Variants in EIF2S1 observed in about 807,000 individuals in gnomAD.
EIF2S1 encodes the protein eukaryotic translation initiation factor 2 subunit alpha, also known as eukaryotic translation initiation factor 2 subunit 1.
In EIF2S1, 5 loss-of-function variants were observed where a neutral mutation model predicts 33.5. The observed-to-expected ratio is 0.15, with a 90% CI of 0.08 to 0.31. EIF2S1 has a LOEUF of 0.31. Among genes scored for constraint, EIF2S1 ranks in the 10% least tolerant of loss-of-function variants. The pLI, the probability that EIF2S1 is intolerant of heterozygous loss-of-function variation, is 1.00. For synonymous variants in EIF2S1, 99 were observed against 127.5 expected (o/e 0.78, Z 1.51); for missense variants, 191 against 384.6 (o/e 0.50, Z 4.21).
Position 67,383,717 on chromosome 14 carries a change from T to C in EIF2S1, c.*277T>C. 1 of 377,022 alleles carries C rather than the reference T, an allele frequency of 2.7e-6. No individual in the cohort carries two copies. The highest frequency in any genetic ancestry group is 5.1e-6 in the Non-Finnish European group (1 of 197,690). The allele number at this position is 377,022 out of a possible 1,614,324, so 23.4% of individuals were successfully genotyped here. ...TAGTTCTAAAATTGGGCTTGTGATTTCCATTTCTGATGTCTCCAGATTGGC... is the reference window on the plus strand; with the variant it reads ...TAGTTCTAAAATTGGGCTTGTGATTCCCATTTCTGATGTCTCCAGATTGGC... On this transcript the variant is annotated 3_prime_UTR_variant, in exon 8 of 8. Coordinates refer to ENST00000256383, the MANE Select transcript of EIF2S1 (RefSeq NM_004094.5).
At chr14:67,364,514 G>T in intron 1 of EIF2S1, 3 of 362,744 alleles carry the variant, frequency 8.3e-6, no homozygotes, top group South Asian at 3.4e-5. Flanking sequence ...TATTTTTTAT[G>T]ATTCCTCTGA....
At chr14:67,374,689 C>T (rs1236108560) in intron 3 of EIF2S1, 142 bp downstream of exon 3, 18 of 500,688 alleles carry the variant, frequency 3.6e-5, no homozygotes, top group South Asian at 1.7e-4. Context: ...GTTTTGAAGC[C>T]GTTTTAGGTT....
intron 6 of EIF2S1, 46 bp downstream of exon 6, chr14:67,381,736 C>T (rs2141152677): frequency 7.7e-7 from 1 of 1,304,058 alleles, no homozygotes; most frequent in Non-Finnish European, 1.1e-6. Flanking sequence ...CTCACCTAAA[C>T]CAAATAGGAT....
chr14:67,370,909 G>A (rs113030575), intron 2 of EIF2S1, among the ~76,000 whole-genome samples: 309 of 152,142 alleles, frequency 2.0e-3, no homozygotes, highest in African/African-American at 7.2e-3. Flanking sequence ...CCTCTAGTCA[G>A]TTCCAGCTAC....
chr14:67,376,435 C>T lies in EIF2S1; in HGVS notation c.322-4C>T. The T allele has an allele frequency of 6.3e-7, 1 of 1,577,566 alleles. No individual in the cohort carries two copies. Among genetic ancestry groups the T allele is most frequent in the Non-Finnish European group, 8.6e-7 (1 of 1,161,530 alleles). On this transcript the variant is annotated splice_region_variant and splice_polypyrimidine_tract_variant and intron_variant, in intron 3 of 7. Transcript: ENST00000256383. Reference sequence around the variant, plus strand: ...AATTGTTGAGCTTTTCATTTTATTTCTAGGTTTATAGCATTCTTCGTCATG... The same window carrying T: ...AATTGTTGAGCTTTTCATTTTATTTTTAGGTTTATAGCATTCTTCGTCATG...
At chr14:67,375,384 A>C (rs770577062) in intron 3 of EIF2S1, among the ~76,000 whole-genome samples, 1 of 152,006 alleles carries the variant, frequency 6.6e-6, no homozygotes, top group Non-Finnish European at 1.5e-5. Flanking sequence ...GCCTCCCGGA[A>C]TGTTTGAGAT....
chr14:67,363,760 A>G (rs1038279934), intron 1 of EIF2S1, among the ~76,000 whole-genome samples: 3 of 152,234 alleles, frequency 2.0e-5, no homozygotes, highest in African/African-American at 7.2e-5. Context: ...GAGAAGATAT[A>G]GGCAGGTGCC....
chr14:67,360,695 T>G (rs2141121242), intron 1 of EIF2S1: 1 of 153,734 alleles, frequency 6.5e-6, no homozygotes, highest in South Asian at 2.1e-4. Context: ...TGAAGGAAAG[T>G]GGGCCGAGTG....
intron 4 of EIF2S1, among the ~76,000 whole-genome samples, chr14:67,379,686 G>A (rs1467291191): frequency 9.3e-6 from 1 of 107,936 alleles, no homozygotes; most frequent in Non-Finnish European, 1.6e-5. Flanking sequence ...ACGGAGTCTC[G>A]CTCTGTCGCC....
In EIF2S1 at chr14:67,383,312, C is replaced by T. The variant is rs761916732; in HGVS notation, c.823-3C>T. The T allele has an allele frequency of 6.2e-7, 1 of 1,612,750 alleles. No individual in the cohort carries two copies. Among genetic ancestry groups the T allele is most frequent in the African/African-American group, 1.3e-5 (1 of 75,010 alleles). ...GTTTGAAATTATACCTCTGCTTCCA[C>T]AGCCCAAAGTGGTCACAGATACAGA... is the stretch of plus-strand genomic sequence containing the variant. On this transcript the variant is annotated splice_region_variant and splice_polypyrimidine_tract_variant and intron_variant, in intron 7 of 7. Coordinates refer to ENST00000256383, the MANE Select transcript of EIF2S1 (RefSeq NM_004094.5).
chr14:67,377,993 G>A (rs2085866319), intron 4 of EIF2S1, among the ~76,000 whole-genome samples: 1 of 151,910 alleles, frequency 6.6e-6, no homozygotes, highest in Non-Finnish European at 1.5e-5. Context: ...TTTGCCTGTA[G>A]TAGTCCCAGC....
At chr14:67,360,996 C>A (rs564435128) in intron 1 of EIF2S1, among the ~76,000 whole-genome samples, 31 of 152,264 alleles carry the variant, frequency 2.0e-4, no homozygotes, top group Admixed American at 1.2e-3. Flanking sequence ...TTGAATGAGT[C>A]ACCCCTTGAA....
intron 7 of EIF2S1, 42 bp downstream of exon 7, chr14:67,382,632 T>G (rs1213593930): frequency 6.2e-7 from 1 of 1,610,000 alleles, no homozygotes; most frequent in Non-Finnish European, 8.5e-7. Context: ...CTCAGGAGGT[T>G]CCTAAAAGGA....
Position 67,376,172 on chromosome 14 carries a change from T to C in EIF2S1, c.322-267T>C, listed in dbSNP as rs1006129776. On this transcript the variant is annotated intron_variant, in intron 3 of 7. Transcript: ENST00000256383. The stretch of plus-strand genomic sequence containing the variant: ...TTTGATCTATGCGAGCACTCTGTAG[T>C]AAGGAGAGATGCTAGTTTCTTCTTT... Among the ~76,000 whole-genome samples the C allele has an allele frequency of 2.0e-5, 3 of 151,790 alleles. No individual in the cohort carries two copies. The East Asian group carries it at 5.8e-4, about 29-fold the overall frequency.
At chr14:67,364,482 G>A (rs758608746) in intron 1 of EIF2S1, 6 of 298,090 alleles carry the variant, frequency 2.0e-5, no homozygotes, top group Non-Finnish European at 3.8e-5. Context: ...CTTAGGTCTT[G>A]GAGTACTTTA....
chr14:67,383,614 G>A lies in EIF2S1; in HGVS notation c.*174G>A. On this transcript the variant is annotated 3_prime_UTR_variant, in exon 8 of 8. Transcript: ENST00000256383. ...TGAAATGCCCTCCTAAATGTCAGCT[G>A]TTGTCACACAGTAGCTCCAACACTT... The A allele has an allele frequency of 1.1e-6, 1 of 870,186 alleles. No homozygotes were observed. The highest frequency in any genetic ancestry group is 1.7e-6 in the Non-Finnish European group (1 of 573,488). The allele number at this position is 870,186 out of a possible 1,614,324, so 53.9% of individuals were successfully genotyped here.
intron 2 of EIF2S1, among the ~76,000 whole-genome samples, chr14:67,368,171 G>T (rs1314316970): frequency 6.6e-6 from 1 of 152,196 alleles, no homozygotes; most frequent in African/African-American, 2.4e-5. Context: ...CAGAGCTTTT[G>T]TTGGAGTTTC....
At chr14:67,382,380 C>G in intron 6 of EIF2S1, 67 bp from the exon 7 acceptor site, 1 of 1,426,042 alleles carries the variant, frequency 7.0e-7, no homozygotes, top group Non-Finnish European at 9.6e-7. Context: ...AATAAAATCT[C>G]AAGCATCCTA....
intron 1 of EIF2S1, chr14:67,364,198 GTTTAT>G (rs2085759773): frequency 6.6e-6 from 1 of 152,126 alleles, no homozygotes; most frequent in African/African-American, 2.4e-5. Context: ...ATGCATTTTA[GTTTAT>G]TTTGTGATTA....
Sources: allele counts gnomAD v4.1 joint callset (sites outside exome capture counted in the v4.1 genomes callset), GRCh38; gene constraint gnomAD v4.1.1; transcripts MANE v1.5; gene names NCBI Gene and HGNC (gene_info 2026-07-23, HGNC 2026-07-21).